BAZ1A: variants seen among roughly 807,000 people sequenced by gnomAD.
BAZ1A encodes bromodomain adjacent to zinc finger domain 1A.
BAZ1A carries 50 observed loss-of-function variants against 185.2 expected under a neutral mutation model. The ratio of observed to expected loss-of-function variants is 0.27; its 90% CI spans 0.22 to 0.34. BAZ1A has a LOEUF of 0.34. BAZ1A is among the 10% of genes least tolerant of loss of function. The pLI, the probability that BAZ1A is intolerant of heterozygous loss-of-function variation, is 1.00. For missense variants in BAZ1A, 1,356 were observed against 1,839.9 expected (o/e 0.74, Z 4.81); for synonymous variants, 571 against 615.6 (o/e 0.93, Z 1.07).
chr14:34,769,598 A>C (rs1399561348), intron 21 of BAZ1A, among the ~76,000 whole-genome samples: 1 of 152,186 alleles, frequency 6.6e-6, no homozygotes, highest in African/African-American at 2.4e-5. Flanking sequence ...CATACTAAAC[A>C]ATTAATTTGA....
intron 4 of BAZ1A, among the ~76,000 whole-genome samples, chr14:34,812,228 G>C (rs771260582): frequency 5.9e-5 from 9 of 151,690 alleles, no homozygotes; most frequent in African/African-American, 1.9e-4. Flanking sequence ...AGAGATCTGG[G>C]GGGGGAGGGG....
intron 3 of BAZ1A, among the ~76,000 whole-genome samples, chr14:34,835,209 G>A (rs111994354): frequency 0.071 from 10,728 of 151,810 alleles, 451 homozygotes; most frequent in Non-Finnish European, 0.097. Context: ...TTACAGGCAC[G>A]CGCCACCATG....
chr14:34,795,505 A>G (rs1205655786), intron 10 of BAZ1A, among the ~76,000 whole-genome samples, 165 bp downstream of exon 10: 5 of 152,184 alleles, frequency 3.3e-5, no homozygotes, highest in Non-Finnish European at 7.4e-5. Flanking sequence ...AACACTAACA[A>G]TGCTACCTTG....
chr14:34,807,505 T>C lies in BAZ1A; in HGVS notation c.672A>G (p.Leu224=). 14 of 1,613,208 alleles carry C rather than the reference T, an allele frequency of 8.7e-6. No homozygotes were observed. Among genetic ancestry groups the C allele is most frequent in the Non-Finnish European group, 1.1e-5 (13 of 1,179,440 alleles). The stretch of plus-strand genomic sequence containing the variant: ...CACAGTGTTGCTTCAGAAAAAGCTT[T>C]AGTTTATCACGAGAAAATAGGTGTT... ...RRKHLFSRDK[L]KLFLKQHCEP... is the part of the protein sequence containing the mutation. The change falls in exon 6 of 27, where the codon CTA becomes CTG. Residue 224 remains leucine, a synonymous_variant. Coordinates refer to ENST00000360310, the MANE Select transcript of BAZ1A (RefSeq NM_013448.3).
intron 25 of BAZ1A, among the ~76,000 whole-genome samples, chr14:34,758,023 A>T (rs1429586151): frequency 6.7e-6 from 1 of 149,658 alleles, no homozygotes; most frequent in East Asian, 2.1e-4. Context: ...CTGGGATTAC[A>T]GGTGTGAGCC....
chr14:34,803,333 C>T (rs958524593), intron 6 of BAZ1A, among the ~76,000 whole-genome samples: 8 of 143,688 alleles, frequency 5.6e-5, no homozygotes, highest in Admixed American at 4.4e-4. Context: ...GAGCAGAGAT[C>T]GTGCCACTGC....
chr14:34,825,447 C>CAAA (rs35449855), intron 4 of BAZ1A, among the ~76,000 whole-genome samples: 1,378 of 55,298 alleles, frequency 0.025, 196 homozygotes, highest in African/African-American at 0.034. Flanking sequence ...AACTCTGTCT[C>CAAA]AAAAAAAAAA....
In BAZ1A at chr14:34,785,839, C is replaced by T. The variant is rs772856093; in HGVS notation, c.1769G>A (p.Arg590His). 2.5e-6 allele frequency: 4 copies of T among 1,613,982 alleles called. No homozygotes were observed. Among genetic ancestry groups the T allele is most frequent in the Admixed American group, 3.3e-5 (2 of 59,994 alleles). The change falls in exon 14 of 27, where the codon CGT (arginine) becomes CAT (histidine). Residue 590 changes from arginine (R) to histidine (H), a missense_variant. Arg to His is a conservative substitution (Grantham distance 29). Around this residue, in one of 7 missense-constraint regions of BAZ1A, gnomAD observed 184 missense variants for 355.1 expected, o/e 0.52. Transcript: ENST00000360310. ...DATDDACMELRLSNPSLVKKL... is the reference protein window; with the variant it reads ...DATDDACMELHLSNPSLVKKL... Reference sequence around the variant, plus strand: ...CTTCACTAGACTGGGATTGCTCAAACGAAGCTCCATACAAGCATCATCTGT... The same window carrying T: ...CTTCACTAGACTGGGATTGCTCAAATGAAGCTCCATACAAGCATCATCTGT...
At chr14:34,820,380 C>G (rs112471254) in intron 4 of BAZ1A, among the ~76,000 whole-genome samples, 9,653 of 152,186 alleles carry the variant, frequency 0.063, 414 homozygotes, top group Non-Finnish European at 0.098. Context: ...AATCCACCCC[C>G]CTTGGCCTCC....
At chr14:34,785,620 C>T (rs1189270335) in intron 14 of BAZ1A, among the ~76,000 whole-genome samples, 157 bp downstream of exon 14, 1 of 152,170 alleles carries the variant, frequency 6.6e-6, no homozygotes, top group South Asian at 2.1e-4. Context: ...AAAAGACAAT[C>T]ATAAATAAAG....
At chr14:34,869,942 C>T (rs1364932185) in intron 2 of BAZ1A, among the ~76,000 whole-genome samples, 1 of 152,198 alleles carries the variant, frequency 6.6e-6, no homozygotes, top group African/African-American at 2.4e-5. Context: ...CTAAAACCAT[C>T]CCAGCTGAGT....
intron 3 of BAZ1A, among the ~76,000 whole-genome samples, chr14:34,841,875 T>A (rs1453062245): frequency 6.6e-6 from 1 of 152,194 alleles, no homozygotes; most frequent in Non-Finnish European, 1.5e-5. Context: ...GCACCATGGT[T>A]TTCAGAGAAG....
chr14:34,776,044 T>C lies in BAZ1A; in HGVS notation c.2708A>G (p.Gln903Arg), dbSNP rs773191607. Residue 903 changes from glutamine (Q) to arginine (R), a missense_variant, in exon 18 of 27, where the codon CAG becomes CGG. Physicochemically the swap from Gln to Arg is conservative, Grantham distance 43 (BLOSUM62 1). Around this residue, in one of 7 missense-constraint regions of BAZ1A, gnomAD observed 434 missense variants for 561.7 expected, o/e 0.77. Transcript: ENST00000360310. ...TCTAGAATTAAGAGCTTCAATAAGC[T>C]GGTCTAGCTGTTCACAAGAACTGTA... ...CFYSSCEQLD[Q>R]LIEALNSRGH... 6 of 1,614,208 alleles carry C rather than the reference T, an allele frequency of 3.7e-6. No homozygotes were observed. The highest frequency in any genetic ancestry group is 5.1e-6 in the Non-Finnish European group (6 of 1,180,012).
At chr14:34,873,807 G>C (rs2042993113) in intron 2 of BAZ1A, among the ~76,000 whole-genome samples, 1 of 152,138 alleles carries the variant, frequency 6.6e-6, no homozygotes, top group Non-Finnish European at 1.5e-5. Context: ...GGCGGTGACA[G>C]AGAGCGCGGC....
chr14:34,819,454 A>G (rs2138697881), intron 4 of BAZ1A, among the ~76,000 whole-genome samples: 1 of 152,300 alleles, frequency 6.6e-6, no homozygotes, highest in Middle Eastern at 3.4e-3. Flanking sequence ...AATCATAAGT[A>G]TGTAGACTTT....
chr14:34,874,364 C>T lies in BAZ1A; in HGVS notation c.113+128G>A, dbSNP rs996182958. On this transcript the variant is annotated intron_variant, in intron 2 of 26. Coordinates refer to ENST00000360310, the MANE Select transcript of BAZ1A (RefSeq NM_013448.3). The surrounding 1 kb of genome is among the most constrained non-coding windows in gnomAD (Gnocchi z 4.7). Reference sequence around the variant, plus strand: ...GCCAGGAGGCAGAGAACCGCGGGCCCGGGGGCCACCCGTCACTTTCAAGTC... The same window carrying T: ...GCCAGGAGGCAGAGAACCGCGGGCCTGGGGGCCACCCGTCACTTTCAAGTC... 6.6e-6 allele frequency: 6 copies of T among 911,960 alleles called. No individual in the cohort carries two copies. Among genetic ancestry groups the T allele is most frequent in the Non-Finnish European group, 8.5e-6 (5 of 588,726 alleles). 56.5% of individuals were successfully genotyped at this position (911,960 alleles called of 1,614,324 possible). A position where few individuals can be genotyped will look rare whatever the true frequency, so the allele number is the denominator to read the frequency against.
intron 4 of BAZ1A, among the ~76,000 whole-genome samples, chr14:34,821,495 T>C (rs1030794211): frequency 6.6e-6 from 1 of 152,218 alleles, no homozygotes; most frequent in Non-Finnish European, 1.5e-5. Flanking sequence ...GTCAATTTAT[T>C]ACTCAAATTA....
intron 6 of BAZ1A, 150 bp from the exon 7 acceptor site, chr14:34,803,138 T>C: frequency 1.2e-6 from 1 of 811,002 alleles, no homozygotes; most frequent in Non-Finnish European, 1.9e-6. Context: ...CCCAGCACTT[T>C]GGGAGGCCGA....
chr14:34,776,059 C>G lies in BAZ1A; in HGVS notation c.2693G>C (p.Cys898Ser), dbSNP rs751848223. The G allele has an allele frequency of 9.3e-6, 15 of 1,614,042 alleles. No homozygotes were observed. The East Asian group carries it at 2.9e-4, about 31-fold the overall frequency. ...KPNRWCFYSS[C>S]EQLDQLIEAL... ...TTCAATAAGCTGGTCTAGCTGTTCA[C>G]AAGAACTGTAAAAGCACCACCGATT... is the stretch of plus-strand genomic sequence containing the variant. Residue 898 changes from cysteine to serine, a missense_variant, in exon 18 of 27, where the codon TGT (cysteine) becomes TCT (serine). Cys to Ser is a moderately radical substitution (Grantham distance 112, BLOSUM62 -1). Transcript: ENST00000360310.
Sources: gnomAD v4.1 joint callset for allele counts (sites outside exome capture counted in the v4.1 genomes callset) on GRCh38, gnomAD v4.1.1 for gene constraint, gnomAD v4.1.1 regional missense constraint, Gnocchi (gnomAD v3.1) non-coding constraint, MANE v1.5 for transcripts, NCBI Gene and HGNC (gene_info 2026-07-23, HGNC 2026-07-21) for gene names.